TSPAN14: variants seen among roughly 807,000 people sequenced by gnomAD.
TSPAN14 encodes tetraspanin-14.
A neutral mutation model predicts 36.6 loss-of-function variants in TSPAN14; 16 were observed. That is an observed-to-expected ratio of 0.44 (90% CI 0.30 to 0.66). The LOEUF is 0.66. TSPAN14 is among the 30% of genes least tolerant of loss of function. The pLI is 0.12. For synonymous variants in TSPAN14, 139 were observed against 143.8 expected (o/e 0.97, Z 0.24); for missense variants, 231 against 355.1 (o/e 0.65, Z 2.81).
chr10:80,519,376 A>C (rs1841126041), exon 9 of TSPAN14: 1 of 152,666 alleles, frequency 6.6e-6, no homozygotes, highest in Admixed American at 6.5e-5. Context: ...TAGCTGGGGC[A>C]TTTGTCTAGC....
chr10:80,479,507 A>G (rs1394382112), intron 1 of TSPAN14, among the ~76,000 whole-genome samples: 2 of 152,180 alleles, frequency 1.3e-5, no homozygotes, highest in Non-Finnish European at 2.9e-5. Flanking sequence ...AGCTTTCTAC[A>G]TATGGCTAGC....
chr10:80,460,604 G>C (rs1589231015), intron 1 of TSPAN14, among the ~76,000 whole-genome samples: 1 of 152,136 alleles, frequency 6.6e-6, no homozygotes, highest in South Asian at 2.1e-4. Context: ...TAGGGGACAG[G>C]TTTCTCTCCT....
At chr10:80,476,657 T>C (rs1846931337) in intron 1 of TSPAN14, among the ~76,000 whole-genome samples, 1 of 151,968 alleles carries the variant, frequency 6.6e-6, no homozygotes, top group African/African-American at 2.4e-5. Context: ...CCTCGTGATC[T>C]GCCCGCCTCG....
At chr10:80,494,558 C>G (rs1420375013) in intron 2 of TSPAN14, among the ~76,000 whole-genome samples, 1 of 152,188 alleles carries the variant, frequency 6.6e-6, no homozygotes, top group Admixed American at 6.5e-5. Flanking sequence ...TTCTCTTCCT[C>G]TGACTTTTAT....
At chr10:80,512,066 A>G (rs1840684889) in intron 5 of TSPAN14, 78 bp from the exon 6 acceptor site, 1 of 1,594,440 alleles carries the variant, frequency 6.3e-7, no homozygotes, top group African/African-American at 1.3e-5. Context: ...GCCTGGCATC[A>G]CTATGAATGA....
intron 6 of TSPAN14, among the ~76,000 whole-genome samples, chr10:80,512,971 C>G (rs1282392064): frequency 1.3e-5 from 2 of 152,152 alleles, no homozygotes; most frequent in African/African-American, 4.8e-5. Context: ...TCTCAGCTCA[C>G]TGTACAACCA....
intron 1 of TSPAN14, among the ~76,000 whole-genome samples, chr10:80,487,102 G>T (rs1269486057): frequency 6.6e-6 from 1 of 152,176 alleles, no homozygotes; most frequent in Non-Finnish European, 1.5e-5. Flanking sequence ...AGTGCTTTGG[G>T]ACCCTGTAAT....
At chr10:80,489,005 C>T (rs184859057) in intron 1 of TSPAN14, among the ~76,000 whole-genome samples, 78 of 152,350 alleles carry the variant, frequency 5.1e-4, no homozygotes, top group African/African-American at 1.8e-3. Flanking sequence ...TTTCAAAAAT[C>T]TCCCTTATCC....
exon 9 of TSPAN14, chr10:80,518,908 C>T (rs1367405977): frequency 1.3e-5 from 2 of 153,152 alleles, no homozygotes; most frequent in African/African-American, 4.8e-5. Context: ...CAGCCCACAA[C>T]AGCCTCTCTT....
rs184661310 is a variant in TSPAN14, at chr10:80,479,118, G to C, written c.-17-10099G>C. ...TTGAGAAGTGTCTGTTCATGTCCTT[G>C]GCCCACTTTTTGATGGGGTTGTTTG... On this transcript the variant is annotated intron_variant, in intron 1 of 8. Transcript: ENST00000429989. Among the ~76,000 whole-genome samples the C allele has an allele frequency of 3.0e-4, 46 of 151,874 alleles. 1 individual carries two copies. The highest frequency in any genetic ancestry group is 2.2e-3 in the Admixed American group (34 of 15,240).
chr10:80,481,587 A>T (rs1017343391), intron 1 of TSPAN14, among the ~76,000 whole-genome samples: 9 of 152,142 alleles, frequency 5.9e-5, no homozygotes, highest in African/African-American at 1.9e-4. Flanking sequence ...AGGGAGAGGG[A>T]TTTATGGGGA....
chr10:80,522,597 A>G (rs548377342), exon 9 of TSPAN14: 2 of 152,338 alleles, frequency 1.3e-5, no homozygotes, highest in African/African-American at 2.4e-5. Context: ...TAAAAAGTAC[A>G]CTTAAATAAA....
At position 80,492,182 on chromosome 10, in the gene TSPAN14, A is replaced by G. The variant is rs2132018473; in HGVS notation, c.81+2868A>G. 2.0e-5 allele frequency among the ~76,000 whole-genome samples: 3 copies of G among 152,298 alleles called. No individual in the cohort carries two copies. The East Asian group carries it at 5.8e-4, about 29-fold the overall frequency. On this transcript the variant is annotated intron_variant, in intron 2 of 8. Coordinates refer to ENST00000429989, the Ensembl canonical transcript of TSPAN14. ...AATGCCCAAGCCCTTACCTCTTCAG[A>G]TAAGTTTTCTTTTTTTTTAAATGGA...
At chr10:80,510,298 A>T (rs1321726377) in intron 5 of TSPAN14, among the ~76,000 whole-genome samples, 4 of 152,258 alleles carry the variant, frequency 2.6e-5, no homozygotes, top group Non-Finnish European at 5.9e-5. Context: ...TTATTAACCA[A>T]AACTTGTTCA....
chr10:80,479,703 G>T (rs1183084962), intron 1 of TSPAN14, among the ~76,000 whole-genome samples: 1 of 152,052 alleles, frequency 6.6e-6, no homozygotes, highest in Non-Finnish European at 1.5e-5. Context: ...TAGCCTTGTA[G>T]TATAGTTTGA....
rs58273280 is a variant in TSPAN14 at position 80,492,815 on chromosome 10, C to CA, written c.81+3513dup. Among the ~76,000 whole-genome samples the CA allele has an allele frequency of 1.2e-3, 153 of 131,814 alleles. 1 individual carries two copies. The highest frequency in any genetic ancestry group is 1.7e-3 in the Admixed American group (22 of 13,080). 86.5% of individuals were successfully genotyped at this position (131,814 alleles called of 152,430 possible). On this transcript the variant is annotated intron_variant, in intron 2 of 8. Transcript: ENST00000429989. ...TGGGCGACAGAGCGAGACTCAGTCT[C>CA]AAAAAAAAAAAAGACTTATTTTCAC...
intron 1 of TSPAN14, among the ~76,000 whole-genome samples, chr10:80,474,285 G>A (rs890825674): frequency 3.3e-5 from 5 of 152,026 alleles, no homozygotes; most frequent in Admixed American, 6.6e-5. Context: ...TAATTTGGGG[G>A]CATGGGGTGT....
intron 2 of TSPAN14, among the ~76,000 whole-genome samples, chr10:80,497,618 T>TG (rs1848263792): frequency 6.6e-6 from 1 of 152,182 alleles, no homozygotes; most frequent in Non-Finnish European, 1.5e-5. Flanking sequence ...AAAGTTAGGT[T>TG]GGGGGGTTCC....
chr10:80,500,436 T>C (rs1322414866), intron 2 of TSPAN14, among the ~76,000 whole-genome samples: 2 of 150,122 alleles, frequency 1.3e-5, no homozygotes, highest in African/African-American at 4.9e-5. Context: ...TTCAAGTGAT[T>C]CTCTTGCCTC....
Sources: allele counts gnomAD v4.1 joint callset (sites outside exome capture counted in the v4.1 genomes callset), GRCh38; gene constraint gnomAD v4.1.1; transcripts MANE v1.5; gene names NCBI Gene and HGNC (gene_info 2026-07-23, HGNC 2026-07-21).